Variants in GLRA1 observed in about 807,000 individuals in gnomAD.
GLRA1 encodes glycine receptor subunit alpha-1.
A neutral mutation model predicts 48.3 loss-of-function variants in GLRA1; 37 were observed. The ratio of observed to expected loss-of-function variants is 0.77; its 90% CI spans 0.59 to 1.01. The LOEUF (loss-of-function observed/expected upper bound fraction) is 1.01, where lower values mean the gene tolerates loss of function less well. GLRA1 is among the 50% of genes least tolerant of loss of function. GLRA1 has a pLI of 0.00. For missense variants in GLRA1, 427 were observed against 571.0 expected (o/e 0.75, Z 2.57); for synonymous variants, 196 against 210.7 (o/e 0.93, Z 0.60).
chr5:151,839,644 G>C (rs905181250), intron 7 of GLRA1, among the ~76,000 whole-genome samples: 4 of 152,138 alleles, frequency 2.6e-5, no homozygotes, highest in Non-Finnish European at 5.9e-5. Context: ...GATTAGGTTA[G>C]ACTTAGGGTT....
intron 1 of GLRA1, among the ~76,000 whole-genome samples, chr5:151,903,960 A>G (rs1344958028): frequency 3.3e-5 from 5 of 152,346 alleles, no homozygotes; most frequent in African/African-American, 9.6e-5. Context: ...GTTTTGGAGC[A>G]GCTGTTCAAA....
chr5:151,838,904 C>T lies in GLRA1; in HGVS notation c.913-9837G>A, dbSNP rs115645523. ...AATCTTTTTTTTTCAGATGGAGTCT[C>T]GCTCTGTTGCCCAGGCTAGAGTGCA... On this transcript the variant is annotated intron_variant, in intron 7 of 8. Coordinates refer to ENST00000274576, the MANE Select transcript of GLRA1 (RefSeq NM_000171.4). Among the ~76,000 whole-genome samples, 1,257 of 152,196 alleles carry T rather than the reference C, an allele frequency of 8.3e-3. 20 individuals are homozygous for T. Among genetic ancestry groups the T allele is most frequent in the African/African-American group, 0.029 (1,195 of 41,536 alleles).
At chr5:151,909,258 C>A (rs1411577167) in intron 1 of GLRA1, among the ~76,000 whole-genome samples, 1 of 152,142 alleles carries the variant, frequency 6.6e-6, no homozygotes, top group African/African-American at 2.4e-5. Flanking sequence ...AGAGACTCAG[C>A]AAATTACACA....
chr5:151,838,760 T>G (rs987393524), intron 7 of GLRA1, among the ~76,000 whole-genome samples: 26 of 152,230 alleles, frequency 1.7e-4, no homozygotes, highest in African/African-American at 6.3e-4. Context: ...GCCTGAAAAC[T>G]TATCAAATTT....
intron 3 of GLRA1, among the ~76,000 whole-genome samples, chr5:151,870,511 A>G (rs963723585): frequency 6.7e-6 from 1 of 149,914 alleles, no homozygotes; most frequent in Non-Finnish European, 1.5e-5. Flanking sequence ...GTGTAATCTC[A>G]ATGACTTAGG....
chr5:151,905,280 A>G (rs1754449810), intron 1 of GLRA1, among the ~76,000 whole-genome samples: 1 of 152,114 alleles, frequency 6.6e-6, no homozygotes, highest in African/African-American at 2.4e-5. Context: ...TCTACTGTTA[A>G]CATATTGCTA....
chr5:151,849,563 T>G (rs1561555351), intron 7 of GLRA1: 3 of 149,536 alleles, frequency 2.0e-5, no homozygotes, highest in Non-Finnish European at 4.4e-5. Context: ...TTTCTTTCTT[T>G]TCTTTCTGAT....
intron 2 of GLRA1, among the ~76,000 whole-genome samples, chr5:151,888,141 C>A (rs1468582283): frequency 2.0e-5 from 3 of 152,198 alleles, no homozygotes; most frequent in African/African-American, 7.2e-5. Flanking sequence ...GGACTTGAAC[C>A]AAAGTTTTCT....
In GLRA1 at chr5:151,834,311, A is replaced by C. The variant is rs187464151; in HGVS notation, c.913-5244T>G. Among the ~76,000 whole-genome samples, 7 of 152,350 alleles carry C rather than the reference A, an allele frequency of 4.6e-5. No homozygotes were observed. In the East Asian group the frequency reaches 1.3e-3, roughly 29 times the overall value. ...CAGCACAATCAAATTGAAACTCAGGATTAAGAAACTCACTCAAAACCACAA... is the reference window on the plus strand; with the variant it reads ...CAGCACAATCAAATTGAAACTCAGGCTTAAGAAACTCACTCAAAACCACAA... On this transcript the variant is annotated intron_variant, in intron 7 of 8. Coordinates refer to ENST00000274576, the MANE Select transcript of GLRA1 (RefSeq NM_000171.4).
chr5:151,904,419 A>G (rs974898303), intron 1 of GLRA1, among the ~76,000 whole-genome samples: 1 of 152,152 alleles, frequency 6.6e-6, no homozygotes, highest in Non-Finnish European at 1.5e-5. Flanking sequence ...TCTGGGTTTG[A>G]TTTCTATCTG....
Position 151,822,750 on chromosome 5 carries a change from T to C in GLRA1, c.1273A>G (p.Met425Val), listed in dbSNP as rs983418003. The change falls in exon 9 of 9, where the codon ATG becomes GTG. Residue 425 changes from methionine (M) to valine (V), a missense_variant. Around this residue, in one of 4 missense-constraint regions of GLRA1, gnomAD observed 121 missense variants for 96.5 expected, o/e 1.25. Coordinates refer to ENST00000274576, the MANE Select transcript of GLRA1 (RefSeq NM_000171.4). Reference sequence around the variant, plus strand: ...AACATGTTGAAAATGAGGAAGGCCATGGGGAAGCCAATGCGGGATATTTTG... The same window carrying C: ...AACATGTTGAAAATGAGGAAGGCCACGGGGAAGCCAATGCGGGATATTTTG... Reference protein sequence around the residue: ...IDKISRIGFPMAFLIFNMFYW... With the variant: ...IDKISRIGFPVAFLIFNMFYW... 1 of 1,613,934 alleles carries C rather than the reference T, an allele frequency of 6.2e-7. No homozygotes were observed. Among genetic ancestry groups the C allele is most frequent in the Non-Finnish European group, 8.5e-7 (1 of 1,179,846 alleles).
chr5:151,824,248 C>A (rs139044127), intron 8 of GLRA1, among the ~76,000 whole-genome samples: 1 of 151,758 alleles, frequency 6.6e-6, no homozygotes, highest in African/African-American at 2.4e-5. Flanking sequence ...CCTCCTGCCT[C>A]GGCTTCACAA....
Position 151,860,022 on chromosome 5 carries a change from A to G in GLRA1, c.253-14T>C, listed in dbSNP as rs780604003. ...GACCCTATAGTCCTACAGCCAGGAAATAACAAGGTGAAGGCAATGTTAGGC... is the reference window on the plus strand; with the variant it reads ...GACCCTATAGTCCTACAGCCAGGAAGTAACAAGGTGAAGGCAATGTTAGGC... On this transcript the variant is annotated splice_polypyrimidine_tract_variant and intron_variant, in intron 3 of 8. Coordinates refer to ENST00000274576, the MANE Select transcript of GLRA1 (RefSeq NM_000171.4). 1 of 1,602,726 alleles carries G rather than the reference A, an allele frequency of 6.2e-7. No homozygotes were observed. The highest frequency in any genetic ancestry group is 8.5e-7 in the Non-Finnish European group (1 of 1,170,036).
chr5:151,924,560 C>G lies in GLRA1; in HGVS notation c.-11G>C, dbSNP rs202202750. On this transcript the variant is annotated 5_prime_UTR_variant, in exon 1 of 9. Transcript: ENST00000274576. The stretch of plus-strand genomic sequence containing the variant: ...ATTGAAGCTGTACATTTTTCAGGTC[C>G]TTGTGCTTTGTAGTCCACGAGTTAT... 48 of 1,583,728 alleles carry G rather than the reference C, an allele frequency of 3.0e-5. No individual in the cohort carries two copies. Among genetic ancestry groups the G allele is most frequent in the Non-Finnish European group, 4.2e-5 (48 of 1,152,298 alleles).
intron 6 of GLRA1, among the ~76,000 whole-genome samples, chr5:151,853,902 T>TAC (rs200453054): frequency 6.6e-6 from 1 of 151,804 alleles, no homozygotes; most frequent in Non-Finnish European, 1.5e-5. Context: ...CACACACACA[T>TAC]ACACACACAC....
intron 3 of GLRA1, among the ~76,000 whole-genome samples, chr5:151,884,827 T>C (rs1753854536): frequency 6.6e-6 from 1 of 152,170 alleles, no homozygotes. Context: ...GTGTCAACAC[T>C]CACTGTACAG....
intron 3 of GLRA1, among the ~76,000 whole-genome samples, chr5:151,886,143 C>A (rs1469487999): frequency 6.6e-6 from 1 of 151,980 alleles, no homozygotes; most frequent in Non-Finnish European, 1.5e-5. Flanking sequence ...TAATATTCAC[C>A]CCTTGCAGAA....
chr5:151,920,574 T>C (rs1173703340), intron 1 of GLRA1, among the ~76,000 whole-genome samples: 3 of 152,172 alleles, frequency 2.0e-5, no homozygotes. Context: ...TCGTAACATT[T>C]TCTTTTCTCT....
At chr5:151,887,539 G>T (rs1251665922) in intron 2 of GLRA1, among the ~76,000 whole-genome samples, 1 of 152,156 alleles carries the variant, frequency 6.6e-6, no homozygotes, top group East Asian at 1.9e-4. Context: ...AGAAGGTATG[G>T]TTATTACCTT....
Sources: gnomAD v4.1 joint callset for allele counts (sites outside exome capture counted in the v4.1 genomes callset) on GRCh38, gnomAD v4.1.1 for gene constraint, gnomAD v4.1.1 regional missense constraint, MANE v1.5 for transcripts, NCBI Gene and HGNC (gene_info 2026-07-23, HGNC 2026-07-21) for gene names.